LEMD3: variants seen among roughly 807,000 people sequenced by gnomAD.
LEMD3 encodes LEM domain containing 3, also known as inner nuclear membrane protein Man1.
Under a neutral mutation model 95.2 loss-of-function variants are expected in LEMD3, and 33 were observed. The ratio of observed to expected loss-of-function variants is 0.35; its 90% CI spans 0.26 to 0.46. The LOEUF (loss-of-function observed/expected upper bound fraction) is 0.46. Among genes scored for constraint, LEMD3 ranks in the 20% least tolerant of loss-of-function variants. LEMD3 has a pLI of 1.00. For missense variants in LEMD3, 1,210 were observed against 1,192.8 expected (o/e 1.01, Z -0.21); for synonymous variants, 525 against 474.6 (o/e 1.11, Z -1.38).
At chr12:65,226,519 G>A (rs1870453182) in intron 4 of LEMD3, among the ~76,000 whole-genome samples, 1 of 152,170 alleles carries the variant, frequency 6.6e-6, no homozygotes, top group South Asian at 2.1e-4. Context: ...TAAGAATGTA[G>A]TATATGTTTT....
chr12:65,220,606 C>A (rs866236965), intron 4 of LEMD3, among the ~76,000 whole-genome samples: 1 of 152,034 alleles, frequency 6.6e-6, no homozygotes, highest in East Asian at 1.9e-4. Context: ...GCTTTTGTTG[C>A]CTATGCTTTT....
At chr12:65,172,734 T>C (rs1439112069) in intron 1 of LEMD3, among the ~76,000 whole-genome samples, 4 of 151,438 alleles carry the variant, frequency 2.6e-5, no homozygotes, top group South Asian at 2.1e-4. Context: ...TCTTTTCTTT[T>C]TTTTTTTTTT....
chr12:65,186,631 C>CTTTTT (rs36112519), intron 1 of LEMD3, among the ~76,000 whole-genome samples: 7 of 80,204 alleles, frequency 8.7e-5, no homozygotes, highest in African/African-American at 9.0e-5. Context: ...GTTTAGATTG[C>CTTTTT]TTTTTTTTTT....
At chr12:65,182,641 C>T (rs1868941531) in intron 1 of LEMD3, among the ~76,000 whole-genome samples, 1 of 151,958 alleles carries the variant, frequency 6.6e-6, no homozygotes, top group Non-Finnish European at 1.5e-5. Context: ...CTATATTAAA[C>T]AGGTGATGAC....
intron 4 of LEMD3, among the ~76,000 whole-genome samples, chr12:65,221,323 G>A (rs909700132): frequency 7.2e-5 from 11 of 152,036 alleles, no homozygotes; most frequent in African/African-American, 2.4e-4. Context: ...TTAGTGTATA[G>A]AAATGTAACT....
intron 1 of LEMD3, among the ~76,000 whole-genome samples, chr12:65,191,781 T>C (rs1397963034): frequency 6.6e-6 from 1 of 151,900 alleles, no homozygotes; most frequent in African/African-American, 2.4e-5. Context: ...AAAAATTAGC[T>C]GGACGTGGTG....
At chr12:65,239,065 A>T (rs565968229) in intron 6 of LEMD3, among the ~76,000 whole-genome samples, 2 of 152,326 alleles carry the variant, frequency 1.3e-5, no homozygotes, top group East Asian at 3.9e-4. Flanking sequence ...CAGTATATAC[A>T]TAGAAATCTA....
chr12:65,207,327 ATTGAG>A (rs894145123), intron 1 of LEMD3, among the ~76,000 whole-genome samples: 1 of 152,120 alleles, frequency 6.6e-6, no homozygotes, highest in Non-Finnish European at 1.5e-5. Flanking sequence ...CTGCAAAGGC[ATTGAG>A]ATATGTGGCG....
chr12:65,184,036 G>T (rs1054866646), intron 1 of LEMD3, among the ~76,000 whole-genome samples: 6 of 152,098 alleles, frequency 3.9e-5, no homozygotes, highest in African/African-American at 1.4e-4. Context: ...ACTTTTGTCT[G>T]GATGAAGAAG....
chr12:65,216,726 A>G (rs1017898874), intron 3 of LEMD3, among the ~76,000 whole-genome samples: 2 of 152,044 alleles, frequency 1.3e-5, no homozygotes, highest in Non-Finnish European at 1.5e-5. Flanking sequence ...TTTTCTATGT[A>G]GCAGAACTTT....
At chr12:65,177,967 C>G (rs1868777862) in intron 1 of LEMD3, among the ~76,000 whole-genome samples, 1 of 151,738 alleles carries the variant, frequency 6.6e-6, no homozygotes, top group Non-Finnish European at 1.5e-5. Flanking sequence ...AGCTCAGCCT[C>G]CTGAGTAGCT....
rs146145624 is a variant in LEMD3 at position 65,246,495 on chromosome 12, A to G, written c.*170A>G. On this transcript the variant is annotated 3_prime_UTR_variant, in exon 13 of 13. Transcript: ENST00000308330. ...AAAGGGATTTAGCAGTGAGGCAGCAATGCTGAGTAGGTAGGATAATTATTT... is the reference window on the plus strand; with the variant it reads ...AAAGGGATTTAGCAGTGAGGCAGCAGTGCTGAGTAGGTAGGATAATTATTT... The G allele has an allele frequency of 4.9e-5, 31 of 636,938 alleles. No individual in the cohort carries two copies. In the East Asian group the frequency reaches 8.0e-4, roughly 16 times the overall value. 39.5% of individuals were successfully genotyped at this position (636,938 alleles called of 1,614,324 possible).
intron 1 of LEMD3, among the ~76,000 whole-genome samples, chr12:65,181,201 C>A (rs1868893079): frequency 6.6e-6 from 1 of 152,120 alleles, no homozygotes; most frequent in Non-Finnish European, 1.5e-5. Context: ...CCTTGGTCAG[C>A]CTTATTAAGG....
At chr12:65,191,356 T>C (rs1869234181) in intron 1 of LEMD3, among the ~76,000 whole-genome samples, 1 of 152,124 alleles carries the variant, frequency 6.6e-6, no homozygotes, top group African/African-American at 2.4e-5. Flanking sequence ...GTGACATCAG[T>C]ATTTTAACAT....
chr12:65,197,135 A>G (rs1242222724), intron 1 of LEMD3, among the ~76,000 whole-genome samples: 2 of 152,136 alleles, frequency 1.3e-5, no homozygotes, highest in African/African-American at 2.4e-5. Context: ...TCCTGTTTAC[A>G]TTGAATTGGG....
At chr12:65,182,919 A>G (rs1018297162) in intron 1 of LEMD3, among the ~76,000 whole-genome samples, 3 of 152,190 alleles carry the variant, frequency 2.0e-5, no homozygotes, top group African/African-American at 7.2e-5. Context: ...GAGTACTGTT[A>G]TTATCAAAGT....
intron 1 of LEMD3, among the ~76,000 whole-genome samples, chr12:65,192,946 A>G (rs1455739948): frequency 6.6e-6 from 1 of 152,182 alleles, no homozygotes; most frequent in Non-Finnish European, 1.5e-5. Context: ...CTTGTTAGCT[A>G]TTTTTACAGC....
intron 1 of LEMD3, 117 bp from the exon 2 acceptor site, chr12:65,210,809 G>T: frequency 1.2e-6 from 1 of 819,798 alleles, no homozygotes; most frequent in Non-Finnish European, 2.2e-6. Context: ...TTTACATTTG[G>T]TTCACATATT....
At chr12:65,193,716 C>T (rs1046546196) in intron 1 of LEMD3, among the ~76,000 whole-genome samples, 2 of 140,170 alleles carry the variant, frequency 1.4e-5, no homozygotes, top group African/African-American at 2.8e-5. Flanking sequence ...TCCTGATGGT[C>T]GCCTAACATA....
Sources: gnomAD v4.1 joint callset for allele counts (sites outside exome capture counted in the v4.1 genomes callset) on GRCh38, gnomAD v4.1.1 for gene constraint, MANE v1.5 for transcripts, NCBI Gene and HGNC (gene_info 2026-07-23, HGNC 2026-07-21) for gene names.